Variants in CYB5B observed in about 807,000 individuals in gnomAD.
The protein encoded by CYB5B is cytochrome b5 type B (outer mitochondrial membrane).
A neutral mutation model predicts 21.3 loss-of-function variants in CYB5B; 14 were observed. The ratio of observed to expected loss-of-function variants is 0.66; its 90% CI spans 0.43 to 1.03. The LOEUF (loss-of-function observed/expected upper bound fraction) is 1.03. CYB5B is among the 50% of genes least tolerant of loss of function. CYB5B has a pLI of 0.00. For synonymous variants in CYB5B, 69 were observed against 68.4 expected, an observed-to-expected ratio of 1.01 and a Z score of -0.04; for missense variants, 166 against 185.1, an observed-to-expected ratio of 0.90 and a Z score of 0.60.
intron 3 of CYB5B, among the ~76,000 whole-genome samples, chr16:69,455,137 G>A (rs551686712): frequency 2.0e-5 from 3 of 152,102 alleles, no homozygotes; most frequent in Admixed American, 6.5e-5. Context: ...CTCATGATCC[G>A]CCTGTCTCGG....
chr16:69,455,703 G>T (rs1440511273), intron 3 of CYB5B, among the ~76,000 whole-genome samples: 6 of 152,030 alleles, frequency 3.9e-5, no homozygotes, highest in Admixed American at 2.6e-4. Flanking sequence ...ATGAGCCACC[G>T]CGACTGGCCT....
At chr16:69,453,149 T>C (rs960075932) in intron 3 of CYB5B, among the ~76,000 whole-genome samples, 14 of 152,254 alleles carry the variant, frequency 9.2e-5, no homozygotes, top group African/African-American at 3.4e-4. Context: ...CGTGTTTTTT[T>C]AACTTCATTT....
At chr16:69,434,282 G>T (rs976072548) in intron 1 of CYB5B, among the ~76,000 whole-genome samples, 2 of 152,116 alleles carry the variant, frequency 1.3e-5, no homozygotes, top group Admixed American at 1.3e-4. Context: ...TTGACATTTG[G>T]GTTGTCTCCA....
chr16:69,453,303 T>C (rs1403431257), intron 3 of CYB5B, among the ~76,000 whole-genome samples: 1 of 152,238 alleles, frequency 6.6e-6, no homozygotes, highest in Admixed American at 6.5e-5. Context: ...TAATGTATTA[T>C]GTAACATACA....
rs2015046755 is a variant in CYB5B, at chr16:69,462,632, C to A, written c.*112C>A. ...GAATCCTGCCAGTTGCATTCTTCCC[C>A]CTTGGAGCCAAGACGATTGGCCAGA... is the stretch of plus-strand genomic sequence containing the variant. On this transcript the variant is annotated 3_prime_UTR_variant, in exon 5 of 5. Coordinates refer to ENST00000307892, the MANE Select transcript of CYB5B (RefSeq NM_030579.3). 4.7e-6 allele frequency: 4 copies of A among 859,024 alleles called. No individual in the cohort carries two copies. Among genetic ancestry groups the A allele is most frequent in the Middle Eastern group, 5.1e-4 (2 of 3,888 alleles). The allele number at this position is 859,024 out of a possible 1,614,324, so 53.2% of individuals were successfully genotyped here.
chr16:69,450,240 A>AAT (rs2014919680), intron 3 of CYB5B: 2 of 148,994 alleles, frequency 1.3e-5, no homozygotes, highest in South Asian at 4.3e-4. Context: ...AAAAAAAAAA[A>AAT]CCCAAAAAAC....
chr16:69,433,547 A>G (rs571730326), intron 1 of CYB5B, among the ~76,000 whole-genome samples: 21 of 152,234 alleles, frequency 1.4e-4, no homozygotes, highest in Non-Finnish European at 1.5e-5. Context: ...CTCCTTCACC[A>G]CAGCTGCATA....
chr16:69,465,396 C>T lies in CYB5B; in HGVS notation c.*2876C>T, dbSNP rs2015079352. 1 of 152,194 alleles carries T rather than the reference C, an allele frequency of 6.6e-6. No homozygotes were observed. The highest frequency in any genetic ancestry group is 1.5e-5 in the Non-Finnish European group (1 of 68,046). The allele number at this position is 152,194 out of a possible 1,614,324, so 9.4% of individuals were successfully genotyped here. ...CCAAAATTCCTCAGCCCCTACTCAG[C>T]AATTGGTTTTGGTTTCCAAATGACT... On this transcript the variant is annotated 3_prime_UTR_variant, in exon 5 of 5. Transcript: ENST00000307892.
At chr16:69,446,187 G>C (rs1190048898) in intron 1 of CYB5B, among the ~76,000 whole-genome samples, 1 of 152,076 alleles carries the variant, frequency 6.6e-6, no homozygotes. Context: ...TGTCAAGACA[G>C]GTACTCTTAT....
rs141969033 is a variant in CYB5B at position 69,431,234 on chromosome 16, C to T, written c.174+6377C>T. ...GAACTCCTGACCTCAAGTGATCTGC[C>T]CACCTTGGCCTCCCAAAGTGCTGGG... On this transcript the variant is annotated intron_variant, in intron 1 of 4. Transcript: ENST00000307892. Among the ~76,000 whole-genome samples, 1,436 of 151,838 alleles carry T rather than the reference C, an allele frequency of 9.5e-3. 16 individuals carry two copies. Among genetic ancestry groups the T allele is most frequent in the South Asian group, 0.019 (89 of 4,810 alleles).
At chr16:69,431,690 T>C (rs2014707826) in intron 1 of CYB5B, among the ~76,000 whole-genome samples, 1 of 152,142 alleles carries the variant, frequency 6.6e-6, no homozygotes, top group Non-Finnish European at 1.5e-5. Context: ...GAGAAGGGCT[T>C]GAGGCCAGGA....
In CYB5B at chr16:69,462,416, C is replaced by A. The variant is rs1177477931; in HGVS notation, c.363-14C>A. 1 of 1,595,200 alleles carries A rather than the reference C, an allele frequency of 6.3e-7. No individual in the cohort carries two copies. Among genetic ancestry groups the A allele is most frequent in the South Asian group, 1.1e-5 (1 of 90,644 alleles). On this transcript the variant is annotated splice_polypyrimidine_tract_variant and intron_variant, in intron 4 of 4. Transcript: ENST00000307892. ...AATATTAACAACTTTATTGCTTTCT[C>A]CCCCTATTCCTAGTTGCTGGGCATA... is the stretch of plus-strand genomic sequence containing the variant.
intron 1 of CYB5B, among the ~76,000 whole-genome samples, chr16:69,436,361 T>TG (rs947497149): frequency 3.3e-5 from 5 of 152,164 alleles, no homozygotes; most frequent in Admixed American, 1.3e-4. Flanking sequence ...GGACCCCGTC[T>TG]GGGGGGATAA....
chr16:69,425,668 G>A (rs1313326357), intron 1 of CYB5B, among the ~76,000 whole-genome samples: 6 of 152,080 alleles, frequency 3.9e-5, no homozygotes, highest in Non-Finnish European at 8.8e-5. Flanking sequence ...ATTCATCCAT[G>A]TTAAGACATA....
chr16:69,464,241 TACTTGCAC>T lies in CYB5B; in HGVS notation c.*1727_*1734del, dbSNP rs1043134083. ...ATTCATCAAAATAATATTAACCTTG[TACTTGCAC>T]ACTTGGATATATTTGGGAGTAATTT... is the stretch of plus-strand genomic sequence containing the variant. On this transcript the variant is annotated 3_prime_UTR_variant, in exon 5 of 5. Coordinates refer to ENST00000307892, the MANE Select transcript of CYB5B (RefSeq NM_030579.3). 1 of 152,224 alleles carries T rather than the reference TACTTGCAC, an allele frequency of 6.6e-6. No homozygotes were observed. Among genetic ancestry groups the T allele is most frequent in the Non-Finnish European group, 1.5e-5 (1 of 68,028 alleles). The allele number at this position is 152,224 out of a possible 1,614,324, so 9.4% of individuals were successfully genotyped here. A position where few individuals can be genotyped will look rare whatever the true frequency, so the allele number is the denominator to read the frequency against.
chr16:69,447,512 G>A (rs1055415306), intron 2 of CYB5B, among the ~76,000 whole-genome samples: 10 of 151,932 alleles, frequency 6.6e-5, no homozygotes, highest in African/African-American at 1.7e-4. Context: ...GTGTGGTGGC[G>A]CACACTTGTA....
intron 3 of CYB5B, 197 bp downstream of exon 3, chr16:69,448,341 A>G: frequency 1.6e-6 from 1 of 606,556 alleles, no homozygotes; most frequent in Non-Finnish European, 2.9e-6. Flanking sequence ...AGTAGGAAAC[A>G]TTTTGCTAAT....
rs1306011990 is a variant in CYB5B, at chr16:69,463,407, GTGTT to G, written c.*889_*892del. On this transcript the variant is annotated 3_prime_UTR_variant, in exon 5 of 5. Transcript: ENST00000307892. ...AGAGTAATCTTTCTTTAGAAAACTG[GTGTT>G]TTCTAAAGAAACAGGATAGGAGTTT... is the stretch of plus-strand genomic sequence containing the variant. 2 of 152,052 alleles carry G rather than the reference GTGTT, an allele frequency of 1.3e-5. No individual in the cohort carries two copies. Among genetic ancestry groups the G allele is most frequent in the Non-Finnish European group, 2.9e-5 (2 of 67,996 alleles). The allele number at this position is 152,052 out of a possible 1,614,324, so 9.4% of individuals were successfully genotyped here.
At chr16:69,433,874 C>G (rs1209443885) in intron 1 of CYB5B, among the ~76,000 whole-genome samples, 2 of 152,168 alleles carry the variant, frequency 1.3e-5, no homozygotes, top group African/African-American at 4.8e-5. Flanking sequence ...GTAGTATAGC[C>G]TGCTACACAC....
Sources: gnomAD v4.1 joint callset for allele counts (sites outside exome capture counted in the v4.1 genomes callset) on GRCh38, gnomAD v4.1.1 for gene constraint, MANE v1.5 for transcripts, NCBI Gene and HGNC (gene_info 2026-07-23, HGNC 2026-07-21) for gene names.